PIGL: variants seen among roughly 807,000 people sequenced by gnomAD.
PIGL encodes the protein phosphatidylinositol glycan anchor biosynthesis class L.
A neutral mutation model predicts 31.1 loss-of-function variants in PIGL; 22 were observed. The observed-to-expected ratio is 0.71, with a 90% CI of 0.51 to 1.01. The LOEUF is 1.01. Ranked by LOEUF, PIGL falls within the 50% of genes least tolerant of loss-of-function variation. The probability of loss-of-function intolerance (pLI) is 0.00; values close to 1 mark genes in which losing one functional copy is unlikely to be tolerated. For missense variants in PIGL, 302 were observed against 315.9 expected, an observed-to-expected ratio of 0.96 and a Z score of 0.33; for synonymous variants, 131 against 117.4, an observed-to-expected ratio of 1.12 and a Z score of -0.75.
intron 2 of PIGL, 68 bp from the exon 3 acceptor site, chr17:16,299,820 T>A (rs1051742286): frequency 5.4e-6 from 6 of 1,118,524 alleles, no homozygotes; most frequent in African/African-American, 3.0e-5. Flanking sequence ...GGCATGCACC[T>A]ACTGGAGCTT....
At chr17:16,258,103 A>AGAGAGAGAGAGAGAGAGAGAG (rs2092803342) in intron 2 of PIGL, among the ~76,000 whole-genome samples, 1 of 65,700 alleles carries the variant, frequency 1.5e-5, no homozygotes, top group Non-Finnish European at 2.9e-5. Context: ...GAGAGAGAGA[A>AGAGAGAGAGAGAGAGAGAGAG]AGAGAGAGAG....
intron 2 of PIGL, among the ~76,000 whole-genome samples, chr17:16,280,958 C>T (rs1464297337): frequency 1.3e-5 from 2 of 152,114 alleles, no homozygotes; most frequent in African/African-American, 2.4e-5. Flanking sequence ...CCACCTTGGC[C>T]TCCCAAGGTG....
chr17:16,311,746 G>A lies in PIGL; in HGVS notation c.427-1801G>A, dbSNP rs531490468. Among the ~76,000 whole-genome samples, 334 of 151,800 alleles carry A rather than the reference G, an allele frequency of 2.2e-3. 2 individuals are homozygous for A. The highest frequency in any genetic ancestry group is 7.8e-3 in the African/African-American group (323 of 41,374). On this transcript the variant is annotated intron_variant, in intron 3 of 6. Transcript: ENST00000225609. ...ATCCATTTAACCCTGAGTGGACACA[G>A]CACATGTTTCAGAGAGCACAGGGTT...
At chr17:16,260,129 G>A in intron 2 of PIGL, among the ~76,000 whole-genome samples, 1 of 152,216 alleles carries the variant, frequency 6.6e-6, no homozygotes, top group Non-Finnish European at 1.5e-5. Context: ...AGGGGGTGCT[G>A]AGGGCAGCTC....
At chr17:16,274,262 G>A (rs969590960) in intron 2 of PIGL, among the ~76,000 whole-genome samples, 3 of 152,142 alleles carry the variant, frequency 2.0e-5, no homozygotes, top group African/African-American at 7.2e-5. Flanking sequence ...AGGTTGGAGC[G>A]TGTAAAGGAA....
intron 2 of PIGL, among the ~76,000 whole-genome samples, chr17:16,237,305 G>A (rs1412340941): frequency 2.0e-5 from 3 of 150,626 alleles, no homozygotes; most frequent in South Asian, 2.1e-4. Context: ...AAGGGGTTTC[G>A]CCATGTTGGC....
chr17:16,220,471 TAA>T (rs1424777498), intron 1 of PIGL, among the ~76,000 whole-genome samples: 1 of 147,196 alleles, frequency 6.8e-6, no homozygotes, highest in Non-Finnish European at 1.5e-5. Flanking sequence ...TGTGTTTTTT[TAA>T]ATTGTTATTT....
chr17:16,306,003 C>T (rs903001304), intron 3 of PIGL, among the ~76,000 whole-genome samples: 4 of 152,170 alleles, frequency 2.6e-5, no homozygotes, highest in African/African-American at 4.8e-5. Flanking sequence ...GGCTGGAGTA[C>T]AGTGGCACGA....
chr17:16,256,723 CAG>C (rs1445289865), intron 2 of PIGL, among the ~76,000 whole-genome samples: 4 of 144,770 alleles, frequency 2.8e-5, no homozygotes, highest in African/African-American at 1.1e-4. Context: ...GTTTTTGAGA[CAG>C]GGTATCACTC....
intron 2 of PIGL, among the ~76,000 whole-genome samples, chr17:16,288,135 A>G (rs1025856760): frequency 1.3e-5 from 2 of 152,204 alleles, no homozygotes; most frequent in African/African-American, 4.8e-5. Flanking sequence ...CAGAAGGAAT[A>G]TATGTTGGCC....
chr17:16,317,541 T>G, intron 5 of PIGL: 1 of 1,262,026 alleles, frequency 7.9e-7, no homozygotes, highest in South Asian at 2.5e-5. Flanking sequence ...CTTTTTCTGG[T>G]AGGGCACACC....
chr17:16,258,479 CTTTTAT>C (rs1282553905), intron 2 of PIGL, among the ~76,000 whole-genome samples: 13 of 150,474 alleles, frequency 8.6e-5, no homozygotes, highest in African/African-American at 3.2e-4. Flanking sequence ...CACCTGGCCT[CTTTTAT>C]TTTTATTTTT....
chr17:16,306,788 C>T (rs940002970), intron 3 of PIGL, among the ~76,000 whole-genome samples: 5 of 152,142 alleles, frequency 3.3e-5, no homozygotes, highest in African/African-American at 1.2e-4. Flanking sequence ...CTCTGCCTCC[C>T]AAAGTGCTGT....
In PIGL at chr17:16,236,734, A is replaced by T. The variant is rs181783195; in HGVS notation, c.335+2664A>T. 3.3e-5 allele frequency among the ~76,000 whole-genome samples: 5 copies of T among 151,704 alleles called. No homozygotes were observed. The South Asian group carries it at 1.0e-3, about 32-fold the overall frequency. On this transcript the variant is annotated intron_variant, in intron 2 of 6. Transcript: ENST00000225609. ...AGGTACACGCCACCATGCCCAGCTAATTTTTATATTTTTAGTAGAGACAGG... is the reference window on the plus strand; with the variant it reads ...AGGTACACGCCACCATGCCCAGCTATTTTTTATATTTTTAGTAGAGACAGG...
At chr17:16,265,831 G>T (rs551901079) in intron 2 of PIGL, among the ~76,000 whole-genome samples, 1 of 152,078 alleles carries the variant, frequency 6.6e-6, no homozygotes, top group Non-Finnish European at 1.5e-5. Flanking sequence ...TTCAGACCCC[G>T]CATTTCCCCC....
intron 2 of PIGL, among the ~76,000 whole-genome samples, chr17:16,240,086 T>C (rs1167621709): frequency 1.3e-5 from 2 of 152,138 alleles, no homozygotes; most frequent in Non-Finnish European, 2.9e-5. Flanking sequence ...TTCTCATGAA[T>C]AGTTTAGCAC....
At position 16,285,607 on chromosome 17, in the gene PIGL, G is replaced by T. The variant is rs1600823286; in HGVS notation, c.336-14281G>T. Among the ~76,000 whole-genome samples, 5 of 152,212 alleles carry T rather than the reference G, an allele frequency of 3.3e-5. No individual in the cohort carries two copies. In the South Asian group the frequency reaches 1.0e-3, roughly 32 times the overall value. Reference sequence around the variant, plus strand: ...ATCCATTTTATGGTTAGATTTGGGGGCTTCAAGCCGTATGTGGAAAAGGCT... The same window carrying T: ...ATCCATTTTATGGTTAGATTTGGGGTCTTCAAGCCGTATGTGGAAAAGGCT... On this transcript the variant is annotated intron_variant, in intron 2 of 6. Coordinates refer to ENST00000225609, the MANE Select transcript of PIGL (RefSeq NM_004278.4).
chr17:16,318,347 T>C (rs1466929070), intron 6 of PIGL, among the ~76,000 whole-genome samples: 1 of 151,758 alleles, frequency 6.6e-6, no homozygotes, highest in African/African-American at 2.4e-5. Flanking sequence ...CTCGGCTCAC[T>C]GCAACCTCCG....
At chr17:16,257,073 C>G (rs1401467877) in intron 2 of PIGL, among the ~76,000 whole-genome samples, 1 of 152,152 alleles carries the variant, frequency 6.6e-6, no homozygotes, top group East Asian at 1.9e-4. Flanking sequence ...CCACTGCACT[C>G]TAGCCTGGAC....
Sources: allele counts gnomAD v4.1 joint callset (sites outside exome capture counted in the v4.1 genomes callset), GRCh38; gene constraint gnomAD v4.1.1; transcripts MANE v1.5; gene names NCBI Gene and HGNC (gene_info 2026-07-23, HGNC 2026-07-21).